The following HERC3 variants were observed in gnomAD, a reference collection of about 807,000 sequenced individuals.
HERC3 encodes probable E3 ubiquitin-protein ligase HERC3.
Under a neutral mutation model 129.9 loss-of-function variants are expected in HERC3, and 58 were observed. The observed-to-expected ratio is 0.45, with a 90% confidence interval of 0.36 to 0.56. The LOEUF (loss-of-function observed/expected upper bound fraction) is 0.56. Among genes scored for constraint, HERC3 ranks in the 20% least tolerant of loss-of-function variants. The probability of loss-of-function intolerance (pLI) is 0.00; values close to 1 mark genes in which losing one functional copy is unlikely to be tolerated. For synonymous variants in HERC3, 430 were observed against 451.0 expected, an observed-to-expected ratio of 0.95 and a Z score of 0.59; for missense variants, 835 against 1,244.2, an observed-to-expected ratio of 0.67 and a Z score of 4.95.
intron 23 of HERC3, chr4:88,692,875 G>A: frequency 1.0e-6 from 1 of 985,268 alleles, no homozygotes; most frequent in Non-Finnish European, 1.2e-6. Flanking sequence ...TGGGGCTCAA[G>A]AGTTCCCATC....
In HERC3 at chr4:88,656,050, C is replaced by T; in HGVS notation, c.1069+15C>T. On this transcript the variant is annotated intron_variant, in intron 9 of 25. Coordinates refer to ENST00000402738, the MANE Select transcript of HERC3 (RefSeq NM_014606.3). Reference sequence around the variant, plus strand: ...AGCCCGAGCTGGTAAGAATGATTGTCTCTGGAATTTAAAGGTATTTTAAGT... The same window carrying T: ...AGCCCGAGCTGGTAAGAATGATTGTTTCTGGAATTTAAAGGTATTTTAAGT... 1 of 1,612,460 alleles carries T rather than the reference C, an allele frequency of 6.2e-7. No individual in the cohort carries two copies. Among genetic ancestry groups the T allele is most frequent in the East Asian group, 2.2e-5 (1 of 44,842 alleles).
Position 88,629,156 on chromosome 4 carries a change from T to TCAAAA in HERC3, c.227-20667_227-20663dup, listed in dbSNP as rs1239827688. Among the ~76,000 whole-genome samples, 10 of 152,288 alleles carry TCAAAA rather than the reference T, an allele frequency of 6.6e-5. No individual in the cohort carries two copies. The South Asian group carries it at 1.5e-3, about 22-fold the overall frequency. On this transcript the variant is annotated intron_variant, in intron 3 of 25. Coordinates refer to ENST00000402738, the MANE Select transcript of HERC3 (RefSeq NM_014606.3). The stretch of plus-strand genomic sequence containing the variant: ...CTGGGTGACAGAGTGAGACTCTGGC[T>TCAAAA]CAAAACAAAACAAAACAAAACTTAA...
intron 3 of HERC3, among the ~76,000 whole-genome samples, chr4:88,622,759 T>C (rs1725677778): frequency 6.6e-6 from 1 of 152,058 alleles, no homozygotes; most frequent in Non-Finnish European, 1.5e-5. Flanking sequence ...TGAAACCCCA[T>C]TTCTACTAAA....
At chr4:88,620,657 T>A (rs1043351802) in intron 3 of HERC3, among the ~76,000 whole-genome samples, 1 of 152,114 alleles carries the variant, frequency 6.6e-6, no homozygotes, top group Non-Finnish European at 1.5e-5. Context: ...CCTTAATCCC[T>A]CTCTCCACAG....
chr4:88,589,064 G>A (rs186229499), upstream of HERC3, among the ~76,000 whole-genome samples: 151 of 152,216 alleles, frequency 9.9e-4, no homozygotes, highest in Non-Finnish European at 1.9e-3. Flanking sequence ...GGTTATATGT[G>A]TGTGTGTGTG....
the HERC3 span, among the ~76,000 whole-genome samples, chr4:88,541,588 A>C: frequency 6.6e-6 from 1 of 152,206 alleles, no homozygotes; most frequent in Admixed American, 6.5e-5. Context: ...TGCAACAAGC[A>C]GGCCTAATAG....
At chr4:88,580,865 AG>A in the HERC3 span, among the ~76,000 whole-genome samples, 2 of 152,178 alleles carry the variant, frequency 1.3e-5, no homozygotes, top group African/African-American at 4.8e-5. Flanking sequence ...GCTCATAATG[AG>A]GGAAGAGGAG....
chr4:88,542,736 A>C, the HERC3 span, among the ~76,000 whole-genome samples: 1 of 152,206 alleles, frequency 6.6e-6, no homozygotes, highest in Admixed American at 6.5e-5. Flanking sequence ...AAGCTTATCC[A>C]CCATGATCAA....
At chr4:88,526,894 T>G in the HERC3 span, among the ~76,000 whole-genome samples, 2 of 152,218 alleles carry the variant, frequency 1.3e-5, no homozygotes, top group African/African-American at 4.8e-5. Flanking sequence ...ATGATGAGTT[T>G]ATTAAAATCA....
chr4:88,557,241 G>C, the HERC3 span, among the ~76,000 whole-genome samples: 1 of 152,086 alleles, frequency 6.6e-6, no homozygotes, highest in East Asian at 1.9e-4. Flanking sequence ...TTAACTGTTT[G>C]TATCCATCAT....
chr4:88,625,085 A>C (rs1308107792), intron 3 of HERC3, among the ~76,000 whole-genome samples: 1 of 152,144 alleles, frequency 6.6e-6, no homozygotes, highest in African/African-American at 2.4e-5. Flanking sequence ...TGTGTTGATT[A>C]CTGTAGCTTT....
At chr4:88,578,896 A>G in the HERC3 span, among the ~76,000 whole-genome samples, 1 of 152,168 alleles carries the variant, frequency 6.6e-6, no homozygotes, top group Non-Finnish European at 1.5e-5. Flanking sequence ...TAGAGGCATC[A>G]CCCCTACAAA....
At chr4:88,611,432 C>T (rs927622732) in intron 3 of HERC3, among the ~76,000 whole-genome samples, 3 of 152,140 alleles carry the variant, frequency 2.0e-5, no homozygotes, top group African/African-American at 7.2e-5. Flanking sequence ...GAATGCTACC[C>T]CCAAGTAGCT....
chr4:88,689,770 G>A (rs1441574238), intron 23 of HERC3, among the ~76,000 whole-genome samples: 1 of 151,954 alleles, frequency 6.6e-6, no homozygotes, highest in Non-Finnish European at 1.5e-5. Context: ...TAGAGATGGG[G>A]TTTTGCCATG....
At chr4:88,667,606 A>G (rs1731181976) in intron 13 of HERC3, 118 bp downstream of exon 13, 3 of 679,260 alleles carry the variant, frequency 4.4e-6, no homozygotes, top group Admixed American at 3.1e-5. Flanking sequence ...TTAATTTTGT[A>G]AAGTATTTAC....
chr4:88,585,366 G>C, the HERC3 span, among the ~76,000 whole-genome samples: 3 of 152,138 alleles, frequency 2.0e-5, no homozygotes, highest in Non-Finnish European at 2.9e-5. Context: ...ATAAAGCATG[G>C]GGCACATTGA....
chr4:88,541,061 C>T, the HERC3 span, among the ~76,000 whole-genome samples: 1 of 152,280 alleles, frequency 6.6e-6, no homozygotes, highest in Non-Finnish European at 1.5e-5. Flanking sequence ...CAGCTAACAT[C>T]ATAATGACAG....
chr4:88,546,224 G>C, the HERC3 span, among the ~76,000 whole-genome samples: 2 of 152,114 alleles, frequency 1.3e-5, no homozygotes, highest in African/African-American at 4.8e-5. Context: ...TCTATACTGA[G>C]AGGCACAGTC....
chr4:88,690,689 T>A, intron 23 of HERC3: 2 of 759,074 alleles, frequency 2.6e-6, no homozygotes, highest in Non-Finnish European at 3.2e-6. Flanking sequence ...ATTACTCCTT[T>A]TCATATCTTT....
Sources: gnomAD v4.1 joint callset for allele counts (sites outside exome capture counted in the v4.1 genomes callset) on GRCh38, gnomAD v4.1.1 for gene constraint, MANE v1.5 for transcripts, NCBI Gene and HGNC (gene_info 2026-07-23, HGNC 2026-07-21) for gene names.